Variants in MARCHF1 observed in about 807,000 individuals in gnomAD.
The protein encoded by MARCHF1 is membrane associated ring-CH-type finger 1, also known as E3 ubiquitin-protein ligase MARCHF1.
In MARCHF1, 40 loss-of-function variants were observed where a neutral mutation model predicts 54.2. The ratio of observed to expected loss-of-function variants is 0.74; its 90% CI spans 0.57 to 0.96. The LOEUF is 0.96. Among genes scored for constraint, MARCHF1 ranks in the 40% least tolerant of loss-of-function variants. The probability of loss-of-function intolerance (pLI) is 0.00; values close to 1 mark genes in which losing one functional copy is unlikely to be tolerated. For synonymous variants in MARCHF1, 236 were observed against 236.3 expected (o/e 1.00, Z 0.01); for missense variants, 586 against 656.5 (o/e 0.89, Z 1.17).
chr4:163,845,597 A>T (rs1749463645), intron 4 of MARCHF1, among the ~76,000 whole-genome samples: 1 of 152,150 alleles, frequency 6.6e-6, no homozygotes, highest in South Asian at 2.1e-4. Flanking sequence ...CACTATACAC[A>T]CATAGCAGAA....
intron 5 of MARCHF1, among the ~76,000 whole-genome samples, chr4:163,616,781 G>T (rs1490820158): frequency 6.6e-6 from 1 of 151,952 alleles, no homozygotes; most frequent in Non-Finnish European, 1.5e-5. Context: ...AGGATGAAAA[G>T]AAATTGAAAC....
At chr4:163,935,702 C>CTT (rs34331599) in intron 3 of MARCHF1, among the ~76,000 whole-genome samples, 152 of 125,434 alleles carry the variant, frequency 1.2e-3, no homozygotes, top group Non-Finnish European at 1.8e-3. Context: ...TGCTTGCTTT[C>CTT]TTTTTTTTTT....
chr4:163,987,875 C>T (rs1287238076), intron 3 of MARCHF1, among the ~76,000 whole-genome samples: 1 of 152,176 alleles, frequency 6.6e-6, no homozygotes, highest in Non-Finnish European at 1.5e-5. Context: ...TAAAGGCTCA[C>T]CGTAAGAAGT....
intron 4 of MARCHF1, among the ~76,000 whole-genome samples, chr4:163,819,775 CTT>C (rs1293556217): frequency 6.6e-6 from 1 of 152,104 alleles, no homozygotes; most frequent in Non-Finnish European, 1.5e-5. Flanking sequence ...TGCACCTACA[CTT>C]TCTGTCATCT....
In MARCHF1 at chr4:163,777,978, A is replaced by G. The variant is rs559995666; in HGVS notation, c.111+76043T>C. On this transcript the variant is annotated intron_variant, in intron 4 of 9. Coordinates refer to ENST00000514618, the MANE Select transcript of MARCHF1 (RefSeq NM_001394959.1). ...ATTGGCAACCACTGAACTGTTTTCT[A>G]TGACCATTGTTTTGCCTTTTCCAGA... Among the ~76,000 whole-genome samples the G allele has an allele frequency of 2.5e-3, 377 of 152,322 alleles. 1 individual carries two copies. The highest frequency in any genetic ancestry group is 8.5e-3 in the African/African-American group (355 of 41,578).
chr4:163,684,126 C>T lies in MARCHF1; in HGVS notation c.162+16687G>A, dbSNP rs566010969. ...TATGACCTTGCCTTGGGAGCCACCA[C>T]GTAGTACCTCTTAAGCCACCTTCAG... On this transcript the variant is annotated intron_variant, in intron 5 of 9. Coordinates refer to ENST00000514618, the MANE Select transcript of MARCHF1 (RefSeq NM_001394959.1). Among the ~76,000 whole-genome samples the T allele has an allele frequency of 8.9e-4, 135 of 152,160 alleles. 1 individual carries two copies. The highest frequency in any genetic ancestry group is 1.7e-3 in the Non-Finnish European group (113 of 68,030).
chr4:164,190,832 G>A (rs1218250477), intron 1 of MARCHF1, among the ~76,000 whole-genome samples: 1 of 152,148 alleles, frequency 6.6e-6, no homozygotes, highest in Non-Finnish European at 1.5e-5. Context: ...GAAGCAACAG[G>A]TTCAGACTTT....
chr4:164,297,657 C>T (rs1415953289), intron 1 of MARCHF1, among the ~76,000 whole-genome samples: 1 of 137,354 alleles, frequency 7.3e-6, no homozygotes, highest in East Asian at 2.0e-4. Context: ...AAGTAGTGAA[C>T]TATGAACAAA....
In MARCHF1 at chr4:164,010,136, G is replaced by A. The variant is rs1350692667; in HGVS notation, c.-247-21427C>T. Among the ~76,000 whole-genome samples, 5 of 146,274 alleles carry A rather than the reference G, an allele frequency of 3.4e-5. No individual in the cohort carries two copies. In the East Asian group the frequency reaches 8.1e-4, roughly 24 times the overall value. The stretch of plus-strand genomic sequence containing the variant: ...GGCTGGACTGCAGTGGCGCAATCTC[G>A]GCTCACTGCAACCTCTGCCTCCCAG... On this transcript the variant is annotated intron_variant, in intron 2 of 9. Coordinates refer to ENST00000514618, the MANE Select transcript of MARCHF1 (RefSeq NM_001394959.1).
intron 5 of MARCHF1, among the ~76,000 whole-genome samples, chr4:163,641,101 A>G (rs1742536842): frequency 1.3e-5 from 2 of 152,156 alleles, no homozygotes; most frequent in Admixed American, 6.5e-5. Flanking sequence ...CATTTTTAAC[A>G]TCTGGCAAAT....
chr4:164,338,051 G>C (rs1467181167), intron 1 of MARCHF1, among the ~76,000 whole-genome samples: 1 of 152,124 alleles, frequency 6.6e-6, no homozygotes. Context: ...AAAAATAACT[G>C]TAGGCATAAT....
In MARCHF1 at chr4:164,324,237, T is replaced by C. The variant is rs545602661; in HGVS notation, c.-323+59633A>G. ...AAGGCATTTGACACATTTCATACAT[T>C]CCTAAAGGAAATTCTGAATAAAATA... On this transcript the variant is annotated intron_variant, in intron 1 of 9. Coordinates refer to ENST00000514618, the MANE Select transcript of MARCHF1 (RefSeq NM_001394959.1). Among the ~76,000 whole-genome samples the C allele has an allele frequency of 2.5e-4, 38 of 151,898 alleles. No individual in the cohort carries two copies. The South Asian group carries it at 2.7e-3, about 11-fold the overall frequency.
chr4:164,316,473 A>G (rs544301275), intron 1 of MARCHF1, among the ~76,000 whole-genome samples: 1 of 152,244 alleles, frequency 6.6e-6, no homozygotes, highest in South Asian at 2.1e-4. Context: ...ATCAGTGCTA[A>G]CATTGTGCTT....
At chr4:164,313,445 C>A (rs905956935) in intron 1 of MARCHF1, among the ~76,000 whole-genome samples, 4 of 151,590 alleles carry the variant, frequency 2.6e-5, no homozygotes, top group African/African-American at 9.7e-5. Context: ...CTCCCAATAT[C>A]TAAGCTTATT....
intron 1 of MARCHF1, among the ~76,000 whole-genome samples, chr4:164,335,530 C>T (rs1289479491): frequency 6.7e-6 from 1 of 149,772 alleles, no homozygotes. Flanking sequence ...TGCAGTGAGC[C>T]GAGATTGTGC....
chr4:164,366,012 C>A (rs1259917088), intron 1 of MARCHF1, among the ~76,000 whole-genome samples: 2 of 151,822 alleles, frequency 1.3e-5, no homozygotes, highest in Non-Finnish European at 2.9e-5. Context: ...TTGTTTTGAA[C>A]AAGAAGTTGC....
At chr4:164,029,592 C>T (rs959645752) in intron 2 of MARCHF1, among the ~76,000 whole-genome samples, 17 of 151,772 alleles carry the variant, frequency 1.1e-4, no homozygotes, top group African/African-American at 4.1e-4. Flanking sequence ...TCATTTTTAA[C>T]TTTTTTTCTT....
intron 5 of MARCHF1, among the ~76,000 whole-genome samples, chr4:163,640,669 C>T (rs1006199866): frequency 6.6e-6 from 1 of 152,094 alleles, no homozygotes; most frequent in Non-Finnish European, 1.5e-5. Flanking sequence ...TATTTAGCAG[C>T]CTGATCTGTT....
chr4:164,096,825 A>G (rs965806172), intron 2 of MARCHF1, among the ~76,000 whole-genome samples: 4 of 152,166 alleles, frequency 2.6e-5, no homozygotes, highest in African/African-American at 9.7e-5. Context: ...TTTTTTAGCC[A>G]TAAGTATCAT....
Sources: allele counts gnomAD v4.1 joint callset (sites outside exome capture counted in the v4.1 genomes callset), GRCh38; gene constraint gnomAD v4.1.1; transcripts MANE v1.5; gene names NCBI Gene and HGNC (gene_info 2026-07-23, HGNC 2026-07-21).